Variants in SLC36A1 observed in about 807,000 individuals in gnomAD.
SLC36A1 encodes the protein proton-coupled amino acid transporter 1.
SLC36A1 carries 30 observed loss-of-function variants against 47.5 expected under a neutral mutation model. The ratio of observed to expected loss-of-function variants is 0.63; its 90% CI spans 0.47 to 0.86. The LOEUF (loss-of-function observed/expected upper bound fraction) is 0.86. Ranked by LOEUF, SLC36A1 falls within the 40% of genes least tolerant of loss-of-function variation. SLC36A1 has a pLI of 0.00. For missense variants in SLC36A1, 517 were observed against 606.0 expected (o/e 0.85, Z 1.54); for synonymous variants, 255 against 249.7 (o/e 1.02, Z -0.20).
the SLC36A1 span, among the ~76,000 whole-genome samples, chr5:151,537,041 C>T: frequency 1.3e-5 from 2 of 152,200 alleles, no homozygotes; most frequent in Admixed American, 1.3e-4. Flanking sequence ...GTCCACAAGT[C>T]TCACATAAAG....
chr5:151,399,130 A>G, the SLC36A1 span, among the ~76,000 whole-genome samples: 72,193 of 136,184 alleles, frequency 0.53, 22,008 homozygotes, highest in African/African-American at 0.86. Context: ...TCTATCACCC[A>G]AGCTGAAGTG....
At chr5:151,352,787 A>G in the SLC36A1 span, among the ~76,000 whole-genome samples, 2 of 152,188 alleles carry the variant, frequency 1.3e-5, no homozygotes, top group East Asian at 3.8e-4. Flanking sequence ...TCTGTAGTCA[A>G]ATCTCCCTTT....
At chr5:151,395,792 TG>T in the SLC36A1 span, among the ~76,000 whole-genome samples, 12 of 152,296 alleles carry the variant, frequency 7.9e-5, no homozygotes, top group African/African-American at 2.6e-4. Context: ...GAATACTTAC[TG>T]TTATTCTTTC....
chr5:151,384,628 C>A, the SLC36A1 span, among the ~76,000 whole-genome samples: 1 of 152,220 alleles, frequency 6.6e-6, no homozygotes, highest in Non-Finnish European at 1.5e-5. Context: ...AGGAGCTTCT[C>A]ATAGGTTATA....
chr5:151,509,951 T>C, the SLC36A1 span: 3 of 1,557,134 alleles, frequency 1.9e-6, no homozygotes, highest in South Asian at 2.3e-5. Context: ...CATTGGACTT[T>C]CTAGAGGTCA....
At chr5:151,433,194 C>A (rs1488287526), upstream of SLC36A1, among the ~76,000 whole-genome samples, 1 of 107,642 alleles carries the variant, frequency 9.3e-6, no homozygotes, top group African/African-American at 3.4e-5. Flanking sequence ...GGCTTTCCTG[C>A]TGAAAATAAC....
At chr5:151,471,800 G>A (rs992286419) in intron 7 of SLC36A1, among the ~76,000 whole-genome samples, 4 of 152,046 alleles carry the variant, frequency 2.6e-5, no homozygotes, top group Admixed American at 2.6e-4. Context: ...CCTTTTACTT[G>A]CCTGAAATTA....
the SLC36A1 span, among the ~76,000 whole-genome samples, chr5:151,532,628 A>T: frequency 6.6e-6 from 1 of 152,230 alleles, no homozygotes; most frequent in Non-Finnish European, 1.5e-5. Flanking sequence ...ACGTCAACAT[A>T]AAAAGTTAAG....
At chr5:151,551,367 G>T in the SLC36A1 span, 1 of 1,243,620 alleles carries the variant, frequency 8.0e-7, no homozygotes, top group African/African-American at 1.5e-5. Context: ...AGTGTTCCTT[G>T]AGGAACACCA....
intron 1 of SLC36A1, among the ~76,000 whole-genome samples, chr5:151,454,640 T>C (rs1199482560): frequency 1.3e-5 from 2 of 150,364 alleles, no homozygotes; most frequent in Non-Finnish European, 3.0e-5. Flanking sequence ...CCCTCTTGAC[T>C]CTCCACGTAC....
chr5:151,506,348 C>A, the SLC36A1 span, among the ~76,000 whole-genome samples: 1 of 152,222 alleles, frequency 6.6e-6, no homozygotes, highest in Non-Finnish European at 1.5e-5. Context: ...GGTCAGTGAA[C>A]AAGGGAAGGA....
At chr5:151,346,011 G>A in the SLC36A1 span, among the ~76,000 whole-genome samples, 83,641 of 152,032 alleles carry the variant, frequency 0.55, 24,265 homozygotes, top group East Asian at 0.99. Context: ...TCGAGTCTGG[G>A]TGAGCCAACC....
chr5:151,513,465 C>T, the SLC36A1 span, among the ~76,000 whole-genome samples: 5 of 152,078 alleles, frequency 3.3e-5, no homozygotes, highest in African/African-American at 7.2e-5. Flanking sequence ...GAGTTGGCGG[C>T]CATTATCCTA....
chr5:151,545,017 T>C, the SLC36A1 span: 2 of 1,614,172 alleles, frequency 1.2e-6, no homozygotes, highest in Middle Eastern at 1.6e-4. Context: ...CACTGCCAAC[T>C]CATGAGTGTC....
chr5:151,383,308 GGGT>G, the SLC36A1 span, among the ~76,000 whole-genome samples: 3 of 152,114 alleles, frequency 2.0e-5, no homozygotes, highest in Non-Finnish European at 4.4e-5. Flanking sequence ...TCCAGGCCGG[GGGT>G]GGAGTATTTC....
At chr5:151,478,606 A>G (rs1411342205) in intron 9 of SLC36A1, among the ~76,000 whole-genome samples, 2 of 152,158 alleles carry the variant, frequency 1.3e-5, no homozygotes, top group East Asian at 1.9e-4. Context: ...TTTATTTTTG[A>G]AGGCATGTAC....
chr5:151,500,902 G>A, the SLC36A1 span, among the ~76,000 whole-genome samples: 2 of 152,208 alleles, frequency 1.3e-5, no homozygotes, highest in African/African-American at 2.4e-5. Flanking sequence ...ATCCCAGAGA[G>A]CCCTCTGGTG....
At chr5:151,345,055 A>G in the SLC36A1 span, among the ~76,000 whole-genome samples, 1 of 152,178 alleles carries the variant, frequency 6.6e-6, no homozygotes, top group Non-Finnish European at 1.5e-5. Flanking sequence ...CCTTTAAGAC[A>G]AATGCGAAGG....
the SLC36A1 span, among the ~76,000 whole-genome samples, chr5:151,551,879 G>A: frequency 2.6e-5 from 4 of 151,926 alleles, no homozygotes; most frequent in South Asian, 8.3e-4. Context: ...ATTTTTAAAT[G>A]TCTAGTATAT....
Sources: allele counts gnomAD v4.1 joint callset (sites outside exome capture counted in the v4.1 genomes callset), GRCh38; gene constraint gnomAD v4.1.1; transcripts MANE v1.5; gene names NCBI Gene and HGNC (gene_info 2026-07-23, HGNC 2026-07-21).